Variants in TENM3 observed in about 807,000 individuals in gnomAD.
The protein encoded by TENM3 is teneurin transmembrane protein 3, also known as teneurin-3.
In TENM3, 63 loss-of-function variants were observed where a neutral mutation model predicts 255.1. The observed-to-expected ratio is 0.25, with a 90% CI of 0.20 to 0.30. TENM3 has a LOEUF of 0.30. Among genes scored for constraint, TENM3 ranks in the 10% least tolerant of loss-of-function variants. The pLI is 1.00. For missense variants in TENM3, 2,929 were observed against 3,461.1 expected, an observed-to-expected ratio of 0.85 and a Z score of 3.86; for synonymous variants, 1,306 against 1,322.3, an observed-to-expected ratio of 0.99 and a Z score of 0.27.
the TENM3 span, among the ~76,000 whole-genome samples, chr4:181,533,943 C>G: frequency 6.6e-6 from 1 of 152,122 alleles, no homozygotes; most frequent in Non-Finnish European, 1.5e-5. Flanking sequence ...TAAAACATAA[C>G]CCACACCTCT....
At chr4:182,089,926 T>C in the TENM3 span, among the ~76,000 whole-genome samples, 2 of 152,220 alleles carry the variant, frequency 1.3e-5, no homozygotes, top group African/African-American at 2.4e-5. Context: ...TGCTTTGTAG[T>C]AAAGTTTAAT....
chr4:182,784,722 ACCC>A (rs1765482854), intron 24 of TENM3, among the ~76,000 whole-genome samples: 1 of 151,236 alleles, frequency 6.6e-6, no homozygotes, highest in Non-Finnish European at 1.5e-5. Flanking sequence ...TGGGCGTAGG[ACCC>A]TCCCAGCCAG....
At chr4:182,608,276 CG>C (rs1748622924) in intron 4 of TENM3, among the ~76,000 whole-genome samples, 1 of 151,904 alleles carries the variant, frequency 6.6e-6, no homozygotes, top group African/African-American at 2.4e-5. Flanking sequence ...TTTTTTGAGA[CG>C]GGGCCTTGCT....
the TENM3 span, among the ~76,000 whole-genome samples, chr4:181,685,609 A>G: frequency 0.8 from 121,399 of 152,094 alleles, 48,658 homozygotes; most frequent in Admixed American, 0.88. Context: ...GCATTGCGTG[A>G]AAAGATCTCC....
At chr4:182,787,567 C>T (rs1459367071) in intron 24 of TENM3, among the ~76,000 whole-genome samples, 2 of 151,906 alleles carry the variant, frequency 1.3e-5, no homozygotes, top group Non-Finnish European at 2.9e-5. Context: ...AACCCCATCT[C>T]TACCAAAAAT....
chr4:182,079,512 A>G, the TENM3 span: 2 of 152,208 alleles, frequency 1.3e-5, no homozygotes, highest in Non-Finnish European at 2.9e-5. Flanking sequence ...CAAGAGAAAA[A>G]AAAAAGAGTA....
the TENM3 span, among the ~76,000 whole-genome samples, chr4:182,049,496 G>A: frequency 6.6e-6 from 1 of 152,184 alleles, no homozygotes; most frequent in Non-Finnish European, 1.5e-5. Context: ...ATTGCCTCCT[G>A]GGTCCTCTAC....
chr4:182,629,448 C>A (rs1248307741), intron 5 of TENM3, among the ~76,000 whole-genome samples: 1 of 152,070 alleles, frequency 6.6e-6, no homozygotes, highest in Non-Finnish European at 1.5e-5. Context: ...TAGTATTGAT[C>A]ATGTTTTTCA....
the TENM3 span, among the ~76,000 whole-genome samples, chr4:181,513,600 G>C: frequency 6.6e-6 from 1 of 152,310 alleles, no homozygotes; most frequent in African/African-American, 2.4e-5. Context: ...GGAACAATAA[G>C]AGAACACCTT....
At chr4:182,673,331 G>A (rs1008902279) in intron 7 of TENM3, 112 bp downstream of exon 7, 16 of 689,568 alleles carry the variant, frequency 2.3e-5, no homozygotes, top group Non-Finnish European at 3.6e-5. Flanking sequence ...CTTTTGAATC[G>A]ACTTTCTACA....
chr4:181,898,089 T>G, the TENM3 span, among the ~76,000 whole-genome samples: 1 of 152,226 alleles, frequency 6.6e-6, no homozygotes, highest in African/African-American at 2.4e-5. Context: ...TGCTGTAGGC[T>G]GATAAGATCA....
At chr4:182,160,151 C>T (rs548233972) in intron 1 of TENM3, among the ~76,000 whole-genome samples, 29 of 149,614 alleles carry the variant, frequency 1.9e-4, no homozygotes, top group South Asian at 6.4e-4. Context: ...TACAGGCGCC[C>T]GCCACCACGC....
chr4:181,464,962 GA>G, the TENM3 span, among the ~76,000 whole-genome samples: 7 of 151,794 alleles, frequency 4.6e-5, no homozygotes, highest in Admixed American at 2.6e-4. Context: ...TCAAAAAAAA[GA>G]AAAAAAGTCC....
At chr4:182,296,707 G>A (rs186696400) in intron 1 of TENM3, among the ~76,000 whole-genome samples, 15 of 152,314 alleles carry the variant, frequency 9.8e-5, no homozygotes, top group African/African-American at 3.6e-4. Flanking sequence ...TGAGTATGAT[G>A]TCTTAATTTG....
At chr4:182,275,250 A>C (rs11935520) in intron 1 of TENM3, among the ~76,000 whole-genome samples, 16,848 of 152,160 alleles carry the variant, frequency 0.11, 2,023 homozygotes, top group African/African-American at 0.3. Context: ...TTTACACATC[A>C]TCCCTGTTTA....
chr4:182,018,628 T>A, the TENM3 span, among the ~76,000 whole-genome samples: 1 of 152,206 alleles, frequency 6.6e-6, no homozygotes, highest in Admixed American at 6.5e-5. Flanking sequence ...TTGTTGGGAA[T>A]ATTTCACTTT....
the TENM3 span, among the ~76,000 whole-genome samples, chr4:181,497,427 T>C: frequency 6.6e-6 from 1 of 152,264 alleles, no homozygotes; most frequent in East Asian, 1.9e-4. Flanking sequence ...CAGTGGTAAT[T>C]GGTTGGAAGT....
intron 24 of TENM3, among the ~76,000 whole-genome samples, chr4:182,783,700 ACGTAGATACGGT>A (rs545081195): frequency 0.027 from 4,066 of 152,092 alleles, 170 homozygotes; most frequent in African/African-American, 0.092. Context: ...CACCAATCAG[ACGTAGATACGGT>A]CTTTTCACAT....
chr4:182,797,045 T>C (rs899606015), intron 27 of TENM3, among the ~76,000 whole-genome samples: 5 of 152,156 alleles, frequency 3.3e-5, no homozygotes, highest in African/African-American at 1.2e-4. Flanking sequence ...CAAGAAAGCG[T>C]GGACCTGAAG....
Sources: allele counts gnomAD v4.1 joint callset (sites outside exome capture counted in the v4.1 genomes callset), GRCh38; gene constraint gnomAD v4.1.1; transcripts MANE v1.5; gene names NCBI Gene and HGNC (gene_info 2026-07-23, HGNC 2026-07-21).